Variants in CCDC73 observed in about 807,000 individuals in gnomAD.
CCDC73 encodes coiled-coil domain-containing protein 73.
A neutral mutation model predicts 116.5 loss-of-function variants in CCDC73; 95 were observed. The ratio of observed to expected loss-of-function variants is 0.82; its 90% CI spans 0.69 to 0.97. The LOEUF (loss-of-function observed/expected upper bound fraction) is 0.97, where lower values mean the gene tolerates loss of function less well. CCDC73 is among the 50% of genes least tolerant of loss of function. The pLI is 0.00. For synonymous variants in CCDC73, 398 were observed against 401.3 expected (o/e 0.99, Z 0.10); for missense variants, 1,066 against 1,206.8 (o/e 0.88, Z 1.73).
At chr11:32,821,933 C>T in the CCDC73 span, among the ~76,000 whole-genome samples, 2 of 152,116 alleles carry the variant, frequency 1.3e-5, no homozygotes, top group Non-Finnish European at 2.9e-5. Context: ...TAAAAATCTC[C>T]GTGGACAGGA....
the CCDC73 span, among the ~76,000 whole-genome samples, chr11:32,813,350 G>A: frequency 6.6e-6 from 1 of 151,834 alleles, no homozygotes; most frequent in African/African-American, 2.4e-5. Flanking sequence ...TCAACCTCCT[G>A]AGCTCAAGCG....
intron 1 of CCDC73, among the ~76,000 whole-genome samples, chr11:32,761,993 T>C (rs1173375801): frequency 6.6e-6 from 1 of 152,198 alleles, no homozygotes; most frequent in African/African-American, 2.4e-5. Flanking sequence ...CCCACCCACA[T>C]TATGGAGAGT....
intron 7 of CCDC73, 88 bp downstream of exon 7, chr11:32,683,448 C>T (rs758594534): frequency 1.2e-6 from 1 of 851,302 alleles, no homozygotes. Context: ...AATTTTTTCA[C>T]TATAAATGTC....
chr11:32,799,382 A>G (rs1211725291), upstream of CCDC73, among the ~76,000 whole-genome samples: 3 of 151,876 alleles, frequency 2.0e-5, no homozygotes, highest in South Asian at 6.2e-4. Flanking sequence ...ATGAGCCACC[A>G]TGCCTGGCCC....
At chr11:32,662,638 G>T (rs1855941736) in intron 9 of CCDC73, among the ~76,000 whole-genome samples, 1 of 151,822 alleles carries the variant, frequency 6.6e-6, no homozygotes, top group East Asian at 1.9e-4. Flanking sequence ...TCTGTAGGTT[G>T]CCTGTTCACT....
intron 6 of CCDC73, among the ~76,000 whole-genome samples, chr11:32,684,696 T>C (rs1449396401): frequency 6.6e-6 from 1 of 152,080 alleles, no homozygotes; most frequent in Non-Finnish European, 1.5e-5. Context: ...TTTTATAGGC[T>C]TTTTTAAACT....
rs777488813 is a variant in CCDC73 at position 32,614,707 on chromosome 11, A to G, written c.1611T>C (p.His537=). The part of the protein sequence containing the change: ...GCTEFKSPNN[H]FVVLDTAIET... ...CTATTGCTGTATCTAACACTACAAA[A>G]TGATTATTTGGTGATTTAAATTCTG... is the stretch of plus-strand genomic sequence containing the variant. Residue 537 remains histidine, a synonymous_variant, in exon 16 of 18, where the codon CAT becomes CAC. Transcript: ENST00000335185. The G allele has an allele frequency of 5.6e-6, 9 of 1,612,596 alleles. No homozygotes were observed. Among genetic ancestry groups the G allele is most frequent in the Non-Finnish European group, 7.6e-6 (9 of 1,179,118 alleles).
Position 32,789,558 on chromosome 11 carries a change from G to A in CCDC73, c.-16+5055C>T, listed in dbSNP as rs114218627. On this transcript the variant is annotated intron_variant, in intron 1 of 17. Coordinates refer to ENST00000335185, the MANE Select transcript of CCDC73 (RefSeq NM_001008391.4). The stretch of plus-strand genomic sequence containing the variant: ...GGCTAAGGCAGGAGGATCGCTTGAG[G>A]CCAAGAGTTCAAGATTAGCCTAGAC... 7.2e-3 allele frequency among the ~76,000 whole-genome samples: 1,100 copies of A among 152,090 alleles called. 17 individuals carry two copies. The highest frequency in any genetic ancestry group is 0.026 in the African/African-American group (1,060 of 41,472).
chr11:32,667,875 T>C (rs1318020690), intron 9 of CCDC73, among the ~76,000 whole-genome samples: 1 of 152,184 alleles, frequency 6.6e-6, no homozygotes, highest in Admixed American at 6.5e-5. Flanking sequence ...AAAAAACTTA[T>C]GTGAATGAAT....
intron 2 of CCDC73, among the ~76,000 whole-genome samples, chr11:32,746,265 C>T (rs1019644187): frequency 4.6e-5 from 7 of 152,222 alleles, no homozygotes; most frequent in Non-Finnish European, 8.8e-5. Context: ...CCACTCTCTT[C>T]TGGCTTGTAG....
At position 32,760,214 on chromosome 11, in the gene CCDC73, T is replaced by A; in HGVS notation, c.30A>T (p.Ser10=). 2.5e-6 allele frequency: 4 copies of A among 1,586,044 alleles called. No individual in the cohort carries two copies. The highest frequency in any genetic ancestry group is 3.4e-6 in the Non-Finnish European group (4 of 1,161,376). The change falls in exon 2 of 18, where the codon TCA becomes TCT. Residue 10 remains serine (S), a synonymous_variant. Transcript: ENST00000335185. MESNFNTES[S]STFTLQSSSE... ...AAGAACTTTGAAGAGTAAAAGTAGA[T>A]GATGACTCAGTATTGAAGTTGCTTT...
At chr11:32,748,389 TAAAC>T (rs1828832990) in intron 2 of CCDC73, among the ~76,000 whole-genome samples, 2 of 152,324 alleles carry the variant, frequency 1.3e-5, no homozygotes, top group East Asian at 1.9e-4. Context: ...ACTGATTGCA[TAAAC>T]AAACAAGCTA....
intron 1 of CCDC73, among the ~76,000 whole-genome samples, chr11:32,788,070 T>C (rs924154617): frequency 6.6e-6 from 1 of 152,218 alleles, no homozygotes; most frequent in Admixed American, 6.5e-5. Context: ...GCAAATTCCT[T>C]GACCAATGGC....
chr11:32,744,076 C>T lies in CCDC73; in HGVS notation c.135+16033G>A, dbSNP rs1486011318. Among the ~76,000 whole-genome samples the T allele has an allele frequency of 5.3e-5, 8 of 152,068 alleles. No individual in the cohort carries two copies. The East Asian group carries it at 5.8e-4, about 11-fold the overall frequency. On this transcript the variant is annotated intron_variant, in intron 2 of 17. Transcript: ENST00000335185. ...AAATAGCTCTAATTATTTTGAGATA[C>T]GTTCCATCGATACCTAGTTTATTAA...
At chr11:32,766,617 G>T (rs112534998) in intron 1 of CCDC73, among the ~76,000 whole-genome samples, 3,675 of 152,092 alleles carry the variant, frequency 0.024, 143 homozygotes, top group African/African-American at 0.082. Context: ...AACTGAATCT[G>T]CAAACTCAGG....
chr11:32,626,184 T>A (rs1224876118), intron 14 of CCDC73, among the ~76,000 whole-genome samples: 1 of 151,822 alleles, frequency 6.6e-6, no homozygotes, highest in African/African-American at 2.4e-5. Context: ...TATACACCAA[T>A]AACAGACAGA....
intron 14 of CCDC73, among the ~76,000 whole-genome samples, chr11:32,625,840 A>G (rs1189908517): frequency 3.9e-5 from 6 of 151,928 alleles, no homozygotes; most frequent in Non-Finnish European, 7.4e-5. Context: ...CAAACTAATA[A>G]GAGCTATCTA....
chr11:32,665,682 T>C (rs148887233), intron 9 of CCDC73, among the ~76,000 whole-genome samples: 2,575 of 152,332 alleles, frequency 0.017, 75 homozygotes, highest in African/African-American at 0.057. Context: ...TTGTTATGTG[T>C]CAATTTGATT....
intron 2 of CCDC73, among the ~76,000 whole-genome samples, chr11:32,736,587 G>A (rs1297814279): frequency 1.3e-5 from 2 of 152,090 alleles, no homozygotes; most frequent in Non-Finnish European, 2.9e-5. Flanking sequence ...TTCAACCATT[G>A]TGGAAGTCAG....
Sources: gnomAD v4.1 joint callset for allele counts (sites outside exome capture counted in the v4.1 genomes callset) on GRCh38, gnomAD v4.1.1 for gene constraint, MANE v1.5 for transcripts, NCBI Gene and HGNC (gene_info 2026-07-23, HGNC 2026-07-21) for gene names.